Variants in USP34 observed in about 807,000 individuals in gnomAD.
USP34 encodes ubiquitin specific peptidase 34, also known as ubiquitin carboxyl-terminal hydrolase 34.
In USP34, 70 loss-of-function variants were observed where a neutral mutation model predicts 460.3. The observed-to-expected ratio is 0.15, with a 90% CI of 0.13 to 0.19. USP34 has a LOEUF of 0.19. Ranked by LOEUF, USP34 falls within the 10% of genes least tolerant of loss-of-function variation. The pLI is 1.00. For synonymous variants in USP34, 1,647 were observed against 1,405.3 expected, an observed-to-expected ratio of 1.17 and a Z score of -3.85; for missense variants, 3,985 against 4,236.2, an observed-to-expected ratio of 0.94 and a Z score of 1.65.
chr2:61,221,337 A>G (rs1687578550), intron 66 of USP34, among the ~76,000 whole-genome samples, 165 bp downstream of exon 66: 1 of 152,220 alleles, frequency 6.6e-6, no homozygotes, highest in Admixed American at 6.5e-5. Flanking sequence ...AATGTCTTTA[A>G]TACAACTAGG....
At chr2:61,302,190 T>C (rs185925733) in intron 27 of USP34, among the ~76,000 whole-genome samples, 3 of 152,300 alleles carry the variant, frequency 2.0e-5, no homozygotes, top group Admixed American at 6.5e-5. Context: ...TGATGAATAA[T>C]TTAAACTTTA....
chr2:61,323,243 G>C (rs538146380), intron 21 of USP34, among the ~76,000 whole-genome samples: 1 of 152,282 alleles, frequency 6.6e-6, no homozygotes, highest in African/African-American at 2.4e-5. Context: ...TGGGCGCAGC[G>C]GCTCACGCCT....
At chr2:61,325,501 T>A in intron 20 of USP34, 44 bp from the exon 21 acceptor site, 1 of 1,294,758 alleles carries the variant, frequency 7.7e-7, no homozygotes, top group Non-Finnish European at 1.0e-6. Flanking sequence ...TCCTATTTCT[T>A]AATTACTTTT....
At chr2:61,441,198 T>TG in intron 1 of USP34, among the ~76,000 whole-genome samples, 1 of 151,350 alleles carries the variant, frequency 6.6e-6, no homozygotes, top group East Asian at 2.0e-4. Context: ...AGAGTGTACT[T>TG]GCGATCATAG....
At chr2:61,351,398 C>T (rs920520816) in intron 10 of USP34, among the ~76,000 whole-genome samples, 3 of 151,726 alleles carry the variant, frequency 2.0e-5, no homozygotes, top group Non-Finnish European at 4.4e-5. Flanking sequence ...ATAATAAACA[C>T]AAACATGTAA....
intron 41 of USP34, among the ~76,000 whole-genome samples, chr2:61,268,106 C>T (rs1689106927): frequency 6.6e-6 from 1 of 152,070 alleles, no homozygotes; most frequent in Non-Finnish European, 1.5e-5. Context: ...ATATACTTCA[C>T]AGAAAGAAGA....
At chr2:61,266,280 G>T (rs907309240) in intron 41 of USP34, 113 bp from the exon 42 acceptor site, 8 of 978,340 alleles carry the variant, frequency 8.2e-6, no homozygotes, top group African/African-American at 3.3e-5. Flanking sequence ...AAAACGTATA[G>T]CAGCATGATA....
At chr2:61,219,568 G>T (rs1194651315) in intron 67 of USP34, among the ~76,000 whole-genome samples, 15 of 151,938 alleles carry the variant, frequency 9.9e-5, no homozygotes, top group Admixed American at 9.8e-4. Context: ...CTACTCAGGA[G>T]GCTGAGGTGA....
intron 1 of USP34, among the ~76,000 whole-genome samples, chr2:61,457,728 A>G (rs1243003984): frequency 6.6e-6 from 1 of 152,100 alleles, no homozygotes; most frequent in African/African-American, 2.4e-5. Flanking sequence ...GGGTGTCATC[A>G]TGAGCACCTG....
rs1689424922 is a variant in USP34, at chr2:61,278,072, T to C, written c.5433+93A>G. On this transcript the variant is annotated intron_variant, in intron 41 of 79. Coordinates refer to ENST00000398571, the MANE Select transcript of USP34 (RefSeq NM_014709.4). ...AAACTGCCCAGTCTCGGGTATGCCT[T>C]TATGAGCAGTGTAAAAACGGACTAA... 3 of 1,464,202 alleles carry C rather than the reference T, an allele frequency of 2.0e-6. No homozygotes were observed. In the East Asian group the frequency reaches 7.0e-5, roughly 34 times the overall value. 90.7% of individuals were successfully genotyped at this position (1,464,202 alleles called of 1,614,324 possible). A position where few individuals can be genotyped will look rare whatever the true frequency, so the allele number is the denominator to read the frequency against.
chr2:61,276,775 T>C (rs957519667), intron 41 of USP34, among the ~76,000 whole-genome samples: 2 of 152,098 alleles, frequency 1.3e-5, no homozygotes, highest in African/African-American at 2.4e-5. Flanking sequence ...CTGAAAGAAA[T>C]AGCACAAGAA....
At position 61,295,157 on chromosome 2, in the gene USP34, A is replaced by C. The variant is rs1256751507; in HGVS notation, c.4377+11T>G. ...ACAAACATTTAATGATAATAATGGAAATGCAATTACCGTAGACTCCCTCCT... is the reference window on the plus strand; with the variant it reads ...ACAAACATTTAATGATAATAATGGACATGCAATTACCGTAGACTCCCTCCT... On this transcript the variant is annotated intron_variant, in intron 31 of 79. Coordinates refer to ENST00000398571, the MANE Select transcript of USP34 (RefSeq NM_014709.4). 2 of 1,602,368 alleles carry C rather than the reference A, an allele frequency of 1.2e-6. No homozygotes were observed. Among genetic ancestry groups the C allele is most frequent in the Admixed American group, 3.5e-5 (2 of 56,946 alleles).
chr2:61,209,972 A>G (rs1408259565), intron 69 of USP34, among the ~76,000 whole-genome samples: 1 of 152,332 alleles, frequency 6.6e-6, no homozygotes, highest in African/African-American at 2.4e-5. Context: ...TGAAAAGCTT[A>G]TAAAGATATA....
intron 18 of USP34, among the ~76,000 whole-genome samples, chr2:61,338,535 T>TA (rs1260339871): frequency 1.3e-5 from 2 of 152,162 alleles, no homozygotes; most frequent in African/African-American, 4.8e-5. Context: ...TTGGTAAAAT[T>TA]AGACAATCAT....
chr2:61,187,746 G>C lies in USP34; in HGVS notation c.*356C>G. 1 of 503,588 alleles carries C rather than the reference G, an allele frequency of 2.0e-6. No individual in the cohort carries two copies. Among genetic ancestry groups the C allele is most frequent in the Non-Finnish European group, 2.7e-6 (1 of 371,304 alleles). The allele number at this position is 503,588 out of a possible 1,614,324, so 31.2% of individuals were successfully genotyped here. A position where few individuals can be genotyped will look rare whatever the true frequency, so the allele number is the denominator to read the frequency against. ...TCTGCCTCTATAAGGTACAAAACTG[G>C]CACAGAGGACACCATATCATACACA... On this transcript the variant is annotated 3_prime_UTR_variant, in exon 80 of 80. Transcript: ENST00000398571.
At chr2:61,284,986 T>G in intron 34 of USP34, 29 bp from the exon 35 acceptor site, 1 of 1,555,278 alleles carries the variant, frequency 6.4e-7, no homozygotes, top group Non-Finnish European at 8.8e-7. Context: ...TTAAAAGATA[T>G]TTAAATACAG....
intron 67 of USP34, among the ~76,000 whole-genome samples, chr2:61,215,793 G>A (rs535499690): frequency 2.0e-5 from 3 of 152,240 alleles, no homozygotes; most frequent in East Asian, 1.9e-4. Flanking sequence ...ACTATTTGAC[G>A]TCATAACTTT....
At chr2:61,425,827 C>T (rs1347594619) in intron 1 of USP34, among the ~76,000 whole-genome samples, 1 of 152,000 alleles carries the variant, frequency 6.6e-6, no homozygotes, top group Non-Finnish European at 1.5e-5. Flanking sequence ...GGCATCACCC[C>T]TTCCCCTCGA....
chr2:61,354,652 G>T (rs1024242084), intron 10 of USP34, among the ~76,000 whole-genome samples: 1 of 152,166 alleles, frequency 6.6e-6, no homozygotes, highest in South Asian at 2.1e-4. Context: ...AGCCTGAGCC[G>T]AAAAGAGTAG....
Sources: allele counts gnomAD v4.1 joint callset (sites outside exome capture counted in the v4.1 genomes callset), GRCh38; gene constraint gnomAD v4.1.1; transcripts MANE v1.5; gene names NCBI Gene and HGNC (gene_info 2026-07-23, HGNC 2026-07-21).